Variants in PNISR observed in about 807,000 individuals in gnomAD.
PNISR encodes the protein PNN interacting serine and arginine rich protein.
PNISR carries 20 observed loss-of-function variants against 93.4 expected under a neutral mutation model. That is an observed-to-expected ratio of 0.21 (90% CI 0.15 to 0.31). PNISR has a LOEUF of 0.31. Ranked by LOEUF, PNISR falls within the 10% of genes least tolerant of loss-of-function variation. The pLI is 1.00. For synonymous variants in PNISR, 305 were observed against 306.5 expected (o/e 0.99, Z 0.05); for missense variants, 893 against 985.4 (o/e 0.91, Z 1.25).
rs1779347110 is a variant in PNISR at position 99,425,204 on chromosome 6, C to G, written c.-112+11G>C. 8.1e-7 allele frequency: 1 copy of G among 1,230,808 alleles called. No homozygotes were observed. The highest frequency in any genetic ancestry group is 1.0e-6 in the Non-Finnish European group (1 of 986,836). 76.2% of individuals were successfully genotyped at this position (1,230,808 alleles called of 1,614,324 possible). ...GCAAGTGCCCACGTATAATTGTTCT[C>G]CATCACTTACCCACTCTAGTTCGGG... On this transcript the variant is annotated intron_variant, in intron 1 of 11. Coordinates refer to ENST00000369239, the MANE Select transcript of PNISR (RefSeq NM_032870.4).
chr6:99,411,132 A>G (rs763741510), intron 4 of PNISR, 168 bp from the exon 5 acceptor site: 4 of 601,524 alleles, frequency 6.6e-6, no homozygotes, highest in Non-Finnish European at 1.2e-5. Context: ...GCAATGAACT[A>G]AACTGTCATA....
chr6:99,416,389 G>C lies in PNISR; in HGVS notation c.-72C>G, dbSNP rs994935066. On this transcript the variant is annotated 5_prime_UTR_variant, in exon 2 of 12. Transcript: ENST00000369239. ...TCTGTTTAAAACTTAGGTTGATTCA[G>C]ACTACAGCTTCGAAGCATAGCAGCA... is the stretch of plus-strand genomic sequence containing the variant. 164 of 1,222,040 alleles carry C rather than the reference G, an allele frequency of 1.3e-4. 3 individuals are homozygous for C. The East Asian group carries it at 5.2e-3, about 39-fold the overall frequency. 75.7% of individuals were successfully genotyped at this position (1,222,040 alleles called of 1,614,324 possible). A position where few individuals can be genotyped will look rare whatever the true frequency, so the allele number is the denominator to read the frequency against.
At chr6:99,424,688 G>A (rs557003882) in intron 1 of PNISR, among the ~76,000 whole-genome samples, 23 of 152,380 alleles carry the variant, frequency 1.5e-4, no homozygotes, top group African/African-American at 3.6e-4. Context: ...AATTTGTTCA[G>A]ATGACGATAC....
In PNISR at chr6:99,406,219, T is replaced by A. The variant is rs768531661; in HGVS notation, c.865-51A>T. ...CCAAATTCATGTGTATAATGTAAAA[T>A]CCTTATCTTACATACAGAAAATCTT... On this transcript the variant is annotated intron_variant, in intron 7 of 11. Transcript: ENST00000369239. 2.4e-6 allele frequency: 3 copies of A among 1,255,322 alleles called. No homozygotes were observed. The South Asian group carries it at 4.6e-5, about 19-fold the overall frequency. The allele number at this position is 1,255,322 out of a possible 1,614,324, so 77.8% of individuals were successfully genotyped here.
At position 99,407,261 on chromosome 6, in the gene PNISR, G is replaced by A. The variant is rs143354119; in HGVS notation, c.864+820C>T. Among the ~76,000 whole-genome samples, 11 of 150,726 alleles carry A rather than the reference G, an allele frequency of 7.3e-5. No individual in the cohort carries two copies. The East Asian group carries it at 1.6e-3, about 22-fold the overall frequency. On this transcript the variant is annotated intron_variant, in intron 7 of 11. Transcript: ENST00000369239. ...CTTGAGTCCAGGAGTTCAAGGCTAC[G>A]CTGAGCTATGATTGTGCAACTGCAC...
chr6:99,420,482 A>C (rs1172873576), intron 1 of PNISR, among the ~76,000 whole-genome samples: 1 of 152,242 alleles, frequency 6.6e-6, no homozygotes, highest in African/African-American at 2.4e-5. Flanking sequence ...TTAAACAGTA[A>C]GATTACTAGT....
rs762016267 is a variant in PNISR at position 99,409,228 on chromosome 6, C to T, written c.618G>A (p.Arg206=). The change falls in exon 6 of 12, where the codon AGG becomes AGA. Residue 206 remains arginine (R), a synonymous_variant. Coordinates refer to ENST00000369239, the MANE Select transcript of PNISR (RefSeq NM_032870.4). ...GTGCAATAGGTGAACGCTGACGATC[C>T]CTGAATGATGATGGCCTTTCTCTTC... The part of the protein sequence containing the change: ...QNRRERPSSF[R]DRQRSPIALP... The T allele has an allele frequency of 6.2e-7, 1 of 1,613,848 alleles. No individual in the cohort carries two copies. Among genetic ancestry groups the T allele is most frequent in the African/African-American group, 1.3e-5 (1 of 74,906 alleles).
intron 1 of PNISR, among the ~76,000 whole-genome samples, chr6:99,420,552 C>T (rs935936299): frequency 1.3e-5 from 2 of 152,156 alleles, no homozygotes; most frequent in African/African-American, 2.4e-5. Flanking sequence ...ACCATAGTAT[C>T]TTCACTACTA....
chr6:99,419,624 A>C (rs923844281), intron 1 of PNISR, among the ~76,000 whole-genome samples: 1 of 152,164 alleles, frequency 6.6e-6, no homozygotes, highest in South Asian at 2.1e-4. Flanking sequence ...CATTTGCCCA[A>C]TGTCTCACAG....
At chr6:99,402,445 A>G (rs1775621408) in intron 11 of PNISR, 95 bp downstream of exon 11, 2 of 919,550 alleles carry the variant, frequency 2.2e-6, no homozygotes, top group African/African-American at 3.4e-5. Flanking sequence ...TTTATAATAT[A>G]GCCTTTATTT....
rs748296705 is a variant in PNISR at position 99,402,566 on chromosome 6, T to C, written c.1301A>G (p.Gln434Arg). 2 of 1,613,578 alleles carry C rather than the reference T, an allele frequency of 1.2e-6. No individual in the cohort carries two copies. The highest frequency in any genetic ancestry group is 1.7e-5 in the Admixed American group (1 of 60,002). The change falls in exon 11 of 12, where the codon CAG becomes CGG. Residue 434 changes from glutamine to arginine, a missense_variant. Coordinates refer to ENST00000369239, the MANE Select transcript of PNISR (RefSeq NM_032870.4). ...TTCCATCTGTTTATCATGTAATAGC[T>C]GCTGTTCTTTTTCTTTTCTCCAAAA... ...EAFWRKEKEQQLLHDKQMEEE... is the reference protein window; with the variant it reads ...EAFWRKEKEQRLLHDKQMEEE...
intron 5 of PNISR, chr6:99,410,269 A>C (rs1219637931): frequency 6.2e-6 from 1 of 160,512 alleles, no homozygotes; most frequent in African/African-American, 2.4e-5. Flanking sequence ...ATTATATACA[A>C]TTCCATTAAC....
chr6:99,412,448 T>C, intron 4 of PNISR, 103 bp downstream of exon 4: 1 of 822,952 alleles, frequency 1.2e-6, no homozygotes, highest in Non-Finnish European at 2.0e-6. Context: ...TTAAGAAGCA[T>C]TAATTTCCAG....
intron 10 of PNISR, 154 bp downstream of exon 10, chr6:99,403,675 A>G: frequency 4.2e-6 from 2 of 477,632 alleles, no homozygotes; most frequent in Non-Finnish European, 7.5e-6. Context: ...TCAAAAAAAT[A>G]GGCAAACCTT....
chr6:99,417,259 T>C (rs1777824260), intron 1 of PNISR, among the ~76,000 whole-genome samples: 1 of 152,230 alleles, frequency 6.6e-6, no homozygotes, highest in African/African-American at 2.4e-5. Context: ...CCTACCATCA[T>C]TCCCAATCCA....
At chr6:99,417,968 CAA>C (rs34504221) in intron 1 of PNISR, among the ~76,000 whole-genome samples, 46,010 of 91,134 alleles carry the variant, frequency 0.5, 8,970 homozygotes, top group East Asian at 0.72. Flanking sequence ...AACACCATCT[CAA>C]AAAAAAAAAA....
chr6:99,412,539 T>A lies in PNISR; in HGVS notation c.277+12A>T. 6.4e-7 allele frequency: 1 copy of A among 1,553,764 alleles called. No individual in the cohort carries two copies. Among genetic ancestry groups the A allele is most frequent in the East Asian group, 2.2e-5 (1 of 44,502 alleles). On this transcript the variant is annotated intron_variant, in intron 4 of 11. Transcript: ENST00000369239. ...TAAAAGTCTTAAAATTGTGAAAACATAAACAACAAACCTGGTTGCCACATT... is the reference window on the plus strand; with the variant it reads ...TAAAAGTCTTAAAATTGTGAAAACAAAAACAACAAACCTGGTTGCCACATT...
chr6:99,398,371 AC>A lies in PNISR; in HGVS notation c.*2168del, dbSNP rs1380958084. On this transcript the variant is annotated 3_prime_UTR_variant, in exon 12 of 12. Coordinates refer to ENST00000369239, the MANE Select transcript of PNISR (RefSeq NM_032870.4). Reference sequence around the variant, plus strand: ...TGCATTCACATCCTAAATCATGGAAACCCTACCTTATAAAACCTTACCACTC... The same window carrying A: ...TGCATTCACATCCTAAATCATGGAAACCTACCTTATAAAACCTTACCACTC... 1 of 152,138 alleles carries A rather than the reference AC, an allele frequency of 6.6e-6. No individual in the cohort carries two copies. The highest frequency in any genetic ancestry group is 2.4e-5 in the African/African-American group (1 of 41,450). 9.4% of individuals were successfully genotyped at this position (152,138 alleles called of 1,614,324 possible).
chr6:99,425,211 T>C lies in PNISR; in HGVS notation c.-112+4A>G. The C allele has an allele frequency of 4.1e-6, 5 of 1,231,726 alleles. No individual in the cohort carries two copies. Among genetic ancestry groups the C allele is most frequent in the Non-Finnish European group, 4.1e-6 (4 of 987,584 alleles). 76.3% of individuals were successfully genotyped at this position (1,231,726 alleles called of 1,614,324 possible). ...CCCACGTATAATTGTTCTCCATCAC[T>C]TACCCACTCTAGTTCGGGAACACCC... On this transcript the variant is annotated splice_donor_region_variant and intron_variant, in intron 1 of 11. Transcript: ENST00000369239.
Sources: gnomAD v4.1 joint callset for allele counts (sites outside exome capture counted in the v4.1 genomes callset) on GRCh38, gnomAD v4.1.1 for gene constraint, MANE v1.5 for transcripts, NCBI Gene and HGNC (gene_info 2026-07-23, HGNC 2026-07-21) for gene names.